The following CMTM8 variants were observed in gnomAD, a reference collection of about 807,000 sequenced individuals.
CMTM8 encodes CKLF like MARVEL transmembrane domain containing 8.
CMTM8 carries 12 observed loss-of-function variants against 18.6 expected under a neutral mutation model. The observed-to-expected ratio is 0.65, with a 90% confidence interval of 0.41 to 1.05. The LOEUF is 1.05. Among genes scored for constraint, CMTM8 ranks in the 50% least tolerant of loss-of-function variants. The probability of loss-of-function intolerance (pLI) is 0.00; values close to 1 mark genes in which losing one functional copy is unlikely to be tolerated. For missense variants in CMTM8, 217 were observed against 227.2 expected (o/e 0.95, Z 0.29); for synonymous variants, 87 against 90.6 (o/e 0.96, Z 0.23).
At chr3:32,243,288 T>C (rs112885377) in intron 1 of CMTM8, among the ~76,000 whole-genome samples, 4,788 of 151,254 alleles carry the variant, frequency 0.032, 225 homozygotes, top group African/African-American at 0.11. Flanking sequence ...CCCAGCACTT[T>C]GGGAGGCTGA....
chr3:32,348,565 C>A, intron 1 of CMTM8, among the ~76,000 whole-genome samples: 1 of 112,784 alleles, frequency 8.9e-6, no homozygotes, highest in South Asian at 3.2e-4. Flanking sequence ...TGACTCTGAT[C>A]TCAGCTCACT....
At chr3:32,366,857 G>A (rs562162949) in intron 2 of CMTM8, among the ~76,000 whole-genome samples, 152 of 103,856 alleles carry the variant, frequency 1.5e-3, no homozygotes, top group African/African-American at 4.6e-3. Context: ...CCTGACCCTG[G>A]GTCTGACTGT....
chr3:32,370,022 C>T lies in CMTM8; in HGVS notation c.*55C>T. 1 of 990,510 alleles carries T rather than the reference C, an allele frequency of 1.0e-6. No individual in the cohort carries two copies. Among genetic ancestry groups the T allele is most frequent in the Non-Finnish European group, 1.6e-6 (1 of 644,162 alleles). The allele number at this position is 990,510 out of a possible 1,614,324, so 61.4% of individuals were successfully genotyped here. On this transcript the variant is annotated 3_prime_UTR_variant, in exon 4 of 4. Transcript: ENST00000307526. ...AAAAGGAAGACTCTCACTGTAAAAACAGCTGTAGGTATAATGTATATTCCC... is the reference window on the plus strand; with the variant it reads ...AAAAGGAAGACTCTCACTGTAAAAATAGCTGTAGGTATAATGTATATTCCC...
chr3:32,269,011 G>A (rs1163274174), intron 1 of CMTM8, among the ~76,000 whole-genome samples: 2 of 152,200 alleles, frequency 1.3e-5, no homozygotes, highest in African/African-American at 2.4e-5. Flanking sequence ...TTTAAAGGAT[G>A]CAACAAGAAA....
chr3:32,332,262 G>T (rs960220523), intron 1 of CMTM8, among the ~76,000 whole-genome samples: 6 of 152,324 alleles, frequency 3.9e-5, no homozygotes, highest in South Asian at 2.1e-4. Context: ...TAAAGCTGGG[G>T]TGCTGGTTGC....
Position 32,319,330 on chromosome 3 carries a change from C to T in CMTM8, c.148-38043C>T, listed in dbSNP as rs140341237. Among the ~76,000 whole-genome samples, 1,230 of 151,562 alleles carry T rather than the reference C, an allele frequency of 8.1e-3. 20 individuals carry two copies. Among genetic ancestry groups the T allele is most frequent in the African/African-American group, 0.028 (1,156 of 41,248 alleles). On this transcript the variant is annotated intron_variant, in intron 1 of 3. Transcript: ENST00000307526. The stretch of plus-strand genomic sequence containing the variant: ...CTGACCTCAGGTGATCCGCCCACCT[C>T]GGCCTCCCAAAGTCCTGGGATTACA...
At chr3:32,283,672 A>T (rs1472832492) in intron 1 of CMTM8, among the ~76,000 whole-genome samples, 1 of 152,138 alleles carries the variant, frequency 6.6e-6, no homozygotes, top group African/African-American at 2.4e-5. Context: ...CACAAAAAAC[A>T]ACTTGTTTTT....
intron 1 of CMTM8, among the ~76,000 whole-genome samples, chr3:32,309,133 G>A (rs1695770392): frequency 6.6e-6 from 1 of 152,164 alleles, no homozygotes; most frequent in South Asian, 2.1e-4. Flanking sequence ...CTCATCTCCA[G>A]ACAAGCATCC....
At chr3:32,318,800 C>G (rs1413643801) in intron 1 of CMTM8, among the ~76,000 whole-genome samples, 1 of 150,944 alleles carries the variant, frequency 6.6e-6, no homozygotes, top group Non-Finnish European at 1.5e-5. Context: ...ATCTCCTGAC[C>G]TCGTGATCCA....
rs772073685 is a variant in CMTM8, at chr3:32,239,134, G to T, written c.147+15G>T. 1 of 1,586,772 alleles carries T rather than the reference G, an allele frequency of 6.3e-7. No homozygotes were observed. Among genetic ancestry groups the T allele is most frequent in the Non-Finnish European group, 8.6e-7 (1 of 1,167,220 alleles). On this transcript the variant is annotated intron_variant, in intron 1 of 3. Transcript: ENST00000307526. ...TGGCCGAGATCGTGAGTGCCGACGGGCCGGGGGTGGCGGGGGGCTCAGCTG... is the reference window on the plus strand; with the variant it reads ...TGGCCGAGATCGTGAGTGCCGACGGTCCGGGGGTGGCGGGGGGCTCAGCTG...
chr3:32,297,688 G>GA (rs1243244994), intron 1 of CMTM8, among the ~76,000 whole-genome samples: 2 of 151,996 alleles, frequency 1.3e-5, no homozygotes, highest in East Asian at 3.8e-4. Context: ...CATTGATGGT[G>GA]AAAGATAACA....
chr3:32,310,144 T>C (rs1232127787), intron 1 of CMTM8, among the ~76,000 whole-genome samples: 1 of 146,474 alleles, frequency 6.8e-6, no homozygotes, highest in African/African-American at 2.6e-5. Flanking sequence ...CTGTGGATGA[T>C]TTTTAAAATT....
intron 2 of CMTM8, among the ~76,000 whole-genome samples, chr3:32,365,945 T>C (rs912778167): frequency 3.3e-5 from 5 of 152,128 alleles, no homozygotes; most frequent in Non-Finnish European, 7.4e-5. Flanking sequence ...CACATATCCC[T>C]CCTTCATTTC....
chr3:32,355,188 GTCT>G (rs1341138614), intron 1 of CMTM8, among the ~76,000 whole-genome samples: 1 of 152,188 alleles, frequency 6.6e-6, no homozygotes, highest in Non-Finnish European at 1.5e-5. Context: ...TTCACAGGAA[GTCT>G]TCTTAAAGAA....
intron 1 of CMTM8, among the ~76,000 whole-genome samples, chr3:32,316,146 G>A (rs11129514): frequency 0.23 from 34,246 of 147,846 alleles, 4,820 homozygotes; most frequent in East Asian, 0.53. Flanking sequence ...TCCTGCCTCA[G>A]CCTCCCGAGT....
chr3:32,319,065 T>C (rs866083289), intron 1 of CMTM8, among the ~76,000 whole-genome samples: 6 of 46,764 alleles, frequency 1.3e-4, no homozygotes, highest in African/African-American at 4.3e-4. Flanking sequence ...TACATATATA[T>C]ATATATATAT....
At chr3:32,254,170 A>ATT (rs1702147670) in intron 1 of CMTM8, among the ~76,000 whole-genome samples, 1 of 152,258 alleles carries the variant, frequency 6.6e-6, no homozygotes, top group Non-Finnish European at 1.5e-5. Context: ...CTGGGATTAC[A>ATT]GGTGTGAGCC....
intron 1 of CMTM8, among the ~76,000 whole-genome samples, chr3:32,257,058 G>T (rs1702183379): frequency 6.6e-6 from 1 of 152,204 alleles, no homozygotes; most frequent in South Asian, 2.1e-4. Flanking sequence ...CATGATCTCA[G>T]ATCACTGCAA....
At chr3:32,259,095 G>C (rs1307113760) in intron 1 of CMTM8, 2 of 393,976 alleles carry the variant, frequency 5.1e-6, no homozygotes, top group East Asian at 1.2e-4. Context: ...GGATCACCGT[G>C]TCCTGCTCCA....
Sources: gnomAD v4.1 joint callset for allele counts (sites outside exome capture counted in the v4.1 genomes callset) on GRCh38, gnomAD v4.1.1 for gene constraint, MANE v1.5 for transcripts, NCBI Gene and HGNC (gene_info 2026-07-23, HGNC 2026-07-21) for gene names.